Variants in TNKS1BP1 observed in about 807,000 individuals in gnomAD.
The protein encoded by TNKS1BP1 is CCR4-NOT transcription complex subunit 12.
TNKS1BP1 carries 48 observed loss-of-function variants against 141.1 expected under a neutral mutation model. The observed-to-expected ratio is 0.34, with a 90% CI of 0.27 to 0.43. TNKS1BP1 has a LOEUF of 0.43. Among genes scored for constraint, TNKS1BP1 ranks in the 20% least tolerant of loss-of-function variants. TNKS1BP1 has a pLI of 1.00. For missense variants in TNKS1BP1, 2,149 were observed against 2,226.0 expected (o/e 0.97, Z 0.70); for synonymous variants, 875 against 898.2 (o/e 0.97, Z 0.46).
At chr11:57,303,924 TCTCA>T (rs1416999440) in intron 6 of TNKS1BP1, among the ~76,000 whole-genome samples, 1 of 151,768 alleles carries the variant, frequency 6.6e-6, no homozygotes, top group Non-Finnish European at 1.5e-5. Flanking sequence ...CCACACACTC[TCTCA>T]CTAACTCATA....
chr11:57,322,429 C>T (rs1855903416), intron 1 of TNKS1BP1: 1 of 524,430 alleles, frequency 1.9e-6, no homozygotes, highest in Non-Finnish European at 2.5e-6. Context: ...TCCCTCTCTC[C>T]CTCCCTCCCG....
At chr11:57,306,285 C>CAAAAAAA (rs1554961714) in intron 6 of TNKS1BP1, among the ~76,000 whole-genome samples, 4 of 122,448 alleles carry the variant, frequency 3.3e-5, no homozygotes, top group Non-Finnish European at 1.9e-5. Context: ...GACTCCGTTT[C>CAAAAAAA]AAAAAAAAAA....
intron 6 of TNKS1BP1, among the ~76,000 whole-genome samples, chr11:57,304,640 C>T (rs2134348142): frequency 1.3e-5 from 2 of 152,238 alleles, no homozygotes; most frequent in Non-Finnish European, 2.9e-5. Context: ...GAGGCCAAAA[C>T]AGGCGGATCA....
chr11:57,318,414 C>A (rs1855829652), intron 3 of TNKS1BP1, among the ~76,000 whole-genome samples: 1 of 152,226 alleles, frequency 6.6e-6, no homozygotes, highest in South Asian at 2.1e-4. Flanking sequence ...GACCTCACAG[C>A]ACCCTGGTCT....
chr11:57,308,240 G>A (rs977887425), intron 6 of TNKS1BP1, among the ~76,000 whole-genome samples, 155 bp downstream of exon 6: 5 of 152,212 alleles, frequency 3.3e-5, no homozygotes, highest in Admixed American at 2.0e-4. Context: ...TTATTTTTAA[G>A]TAGAACTAAA....
In TNKS1BP1 at chr11:57,313,457, C is replaced by T. The variant is rs750931908; in HGVS notation, c.1231G>A (p.Glu411Lys). The change falls in exon 5 of 12, where the codon GAG (glutamate) becomes AAG (lysine). Residue 411 changes from glutamate (E) to lysine (K), a missense_variant. By Grantham distance (56) the Glu-to-Lys change is moderately conservative. Transcript: ENST00000358252. ...CGGAGGTGTGCGTCACCCTTGGCCT[C>T]CTCCTCCCCGCCAGATGGAAACGTC... ...TRTFPSGGEE[E>K]AKGDAHLRPT... 3.8e-6 allele frequency: 6 copies of T among 1,596,696 alleles called. No individual in the cohort carries two copies. Among genetic ancestry groups the T allele is most frequent in the Non-Finnish European group, 4.3e-6 (5 of 1,170,508 alleles).
intron 6 of TNKS1BP1, among the ~76,000 whole-genome samples, chr11:57,306,530 G>A (rs1210527166): frequency 2.0e-5 from 3 of 152,100 alleles, no homozygotes; most frequent in Admixed American, 6.5e-5. Flanking sequence ...AAGGCTGCCC[G>A]AAAGCATAAA....
rs970046284 is a variant in TNKS1BP1, at chr11:57,320,392, G to A, written c.415C>T (p.Pro139Ser). Residue 139 changes from proline (P) to serine (S), a missense_variant, in exon 3 of 12, where the codon CCA becomes TCA. Pro to Ser is a moderately conservative substitution (Grantham distance 74). Coordinates refer to ENST00000358252, the MANE Select transcript of TNKS1BP1 (RefSeq NM_033396.3). ...PLTPPARCAA[P>S]GGVRKAPAPF... is the part of the protein sequence containing the mutation. Reference sequence around the variant, plus strand: ...GCAGGGGCCTTCCGTACACCCCCTGGGGCTGCACATCGAGCTGGGGGTGTC... The same window carrying A: ...GCAGGGGCCTTCCGTACACCCCCTGAGGCTGCACATCGAGCTGGGGGTGTC... 1 of 1,612,852 alleles carries A rather than the reference G, an allele frequency of 6.2e-7. No homozygotes were observed. The highest frequency in any genetic ancestry group is 8.5e-7 in the Non-Finnish European group (1 of 1,179,022).
rs562011070 is a variant in TNKS1BP1 at position 57,309,474 on chromosome 11, C to T, written c.3237G>A (p.Gly1079=). The change falls in exon 6 of 12, where the codon GGG becomes GGA. Residue 1079 remains glycine, a synonymous_variant. Transcript: ENST00000358252. The surrounding 1 kb of genome is among the most constrained non-coding windows in gnomAD (Gnocchi z 4.3). ...CGACCCAGCCTCGCTTTCCCATCTC[C>T]CCATCTTCCAGGTCAGCACTGCCAG... is the stretch of plus-strand genomic sequence containing the variant. ...QGPGSADLED[G]EMGKRGWVGE... The T allele has an allele frequency of 1.2e-6, 2 of 1,614,092 alleles. No homozygotes were observed. The highest frequency in any genetic ancestry group is 3.3e-5 in the Admixed American group (2 of 60,026).
In TNKS1BP1 at chr11:57,311,503, G is replaced by A. The variant is rs537558942; in HGVS notation, c.2155-947C>T. The A allele has an allele frequency of 1.4e-5, 14 of 983,764 alleles. No individual in the cohort carries two copies. The South Asian group carries it at 2.4e-4, about 17-fold the overall frequency. The allele number at this position is 983,764 out of a possible 1,614,324, so 60.9% of individuals were successfully genotyped here. A position where few individuals can be genotyped will look rare whatever the true frequency, so the allele number is the denominator to read the frequency against. ...CCCTCACCCTGGCCCTGCTCCCTCC[G>A]GAGCAGCTGCAGCTTGGGCAGCCCC... On this transcript the variant is annotated intron_variant, in intron 5 of 11. Transcript: ENST00000358252.
intron 9 of TNKS1BP1, 49 bp downstream of exon 9, chr11:57,301,758 G>A: frequency 6.3e-7 from 1 of 1,583,898 alleles, no homozygotes; most frequent in Non-Finnish European, 8.6e-7. Flanking sequence ...ATGCAAGGTG[G>A]CCACCTGGCC....
chr11:57,307,295 C>T (rs561473409), intron 6 of TNKS1BP1, among the ~76,000 whole-genome samples: 9 of 152,282 alleles, frequency 5.9e-5, no homozygotes, highest in African/African-American at 2.2e-4. Context: ...CCTCCCAACT[C>T]CTAGTCCTGC....
intron 2 of TNKS1BP1, among the ~76,000 whole-genome samples, chr11:57,321,273 C>T (rs1360531441): frequency 6.6e-6 from 1 of 152,006 alleles, no homozygotes; most frequent in African/African-American, 2.4e-5. Context: ...GGAATGCAAA[C>T]TTACTATTGA....
At chr11:57,307,961 C>T (rs1404591161) in intron 6 of TNKS1BP1, among the ~76,000 whole-genome samples, 1 of 152,236 alleles carries the variant, frequency 6.6e-6, no homozygotes, top group Non-Finnish European at 1.5e-5. Flanking sequence ...GTCCACTCCA[C>T]TCCTGGCTGT....
intron 6 of TNKS1BP1, among the ~76,000 whole-genome samples, chr11:57,307,647 T>G (rs893748586): frequency 6.6e-6 from 1 of 152,144 alleles, no homozygotes. Flanking sequence ...CATTTTCTGC[T>G]CACTAAAGGG....
intron 4 of TNKS1BP1, among the ~76,000 whole-genome samples, chr11:57,315,416 T>A (rs1217311835): frequency 6.6e-6 from 1 of 152,062 alleles, no homozygotes; most frequent in East Asian, 1.9e-4. Context: ...CTCATCTGCT[T>A]CATCATACTG....
At chr11:57,305,407 A>G (rs1855593993) in intron 6 of TNKS1BP1, among the ~76,000 whole-genome samples, 1 of 151,406 alleles carries the variant, frequency 6.6e-6, no homozygotes, top group Non-Finnish European at 1.5e-5. Context: ...GATGTGCCTC[A>G]TCTTGTCGCA....
At chr11:57,320,011 G>GCCCCCCCCCCAAACCACCCC in intron 3 of TNKS1BP1, 68 bp downstream of exon 3, 2 of 1,296,684 alleles carry the variant, frequency 1.5e-6, no homozygotes, top group East Asian at 2.5e-5. Flanking sequence ...TTGGTCCCCA[G>GCCCCCCCCCCAAACCACCCC]CCCCCACCCA....
Position 57,308,466 on chromosome 11 carries a change from G to A in TNKS1BP1, c.4245C>T (p.Ser1415=), listed in dbSNP as rs1412764757. 14 of 1,614,060 alleles carry A rather than the reference G, an allele frequency of 8.7e-6. No individual in the cohort carries two copies. In the East Asian group the frequency reaches 3.1e-4, roughly 36 times the overall value. ...SGPETQGEDY[S]SSSLEPHPAD... is the part of the protein sequence containing the mutation. ...CAGGGTGTGGCTCCAAGGAAGACGA[G>A]GAGTAATCTTCACCCTGGGTCTCTG... The change falls in exon 6 of 12, where the codon TCC becomes TCT. Residue 1415 remains serine, a synonymous_variant. Coordinates refer to ENST00000358252, the MANE Select transcript of TNKS1BP1 (RefSeq NM_033396.3).
Sources: allele counts gnomAD v4.1 joint callset (sites outside exome capture counted in the v4.1 genomes callset), GRCh38; gene constraint gnomAD v4.1.1; non-coding constraint Gnocchi (gnomAD v3.1); transcripts MANE v1.5; gene names NCBI Gene and HGNC (gene_info 2026-07-23, HGNC 2026-07-21).